The following KIAA1549L variants were observed in gnomAD, a reference collection of about 807,000 sequenced individuals.
The protein encoded by KIAA1549L is KIAA1549 like, also known as UPF0606 protein KIAA1549L.
Under a neutral mutation model 160.7 loss-of-function variants are expected in KIAA1549L, and 88 were observed. The ratio of observed to expected loss-of-function variants is 0.55; its 90% CI spans 0.46 to 0.65. The LOEUF is 0.65. Among genes scored for constraint, KIAA1549L ranks in the 30% least tolerant of loss-of-function variants. The probability of loss-of-function intolerance (pLI) is 0.00; values close to 1 mark genes in which losing one functional copy is unlikely to be tolerated. For synonymous variants in KIAA1549L, 950 were observed against 976.7 expected (o/e 0.97, Z 0.51); for missense variants, 2,258 against 2,437.5 (o/e 0.93, Z 1.55).
At chr11:33,662,048 TAA>T (rs1852283385) in intron 20 of KIAA1549L, among the ~76,000 whole-genome samples, 1 of 152,248 alleles carries the variant, frequency 6.6e-6, no homozygotes. Context: ...TCTCCTCCGT[TAA>T]AAGAGTATAC....
intron 10 of KIAA1549L, 25 bp from the exon 11 acceptor site, chr11:33,583,313 C>A (rs537535086): frequency 3.2e-6 from 5 of 1,585,098 alleles, no homozygotes; most frequent in Non-Finnish European, 4.3e-6. Flanking sequence ...CTTGTCATGT[C>A]CCTCCTGCTG....
At chr11:33,509,096 A>G (rs1044443712) in intron 1 of KIAA1549L, among the ~76,000 whole-genome samples, 22 of 152,112 alleles carry the variant, frequency 1.4e-4, no homozygotes, top group African/African-American at 7.2e-5. Context: ...CTTGGTTTCT[A>G]TCACTCTTCT....
chr11:33,660,143 C>A (rs992712493), intron 19 of KIAA1549L, among the ~76,000 whole-genome samples: 3 of 151,968 alleles, frequency 2.0e-5, no homozygotes, highest in Non-Finnish European at 4.4e-5. Flanking sequence ...ACTTTCCTTC[C>A]CCAGGTGAGT....
rs191982181 is a variant in KIAA1549L at position 33,481,125 on chromosome 11, G to T, written c.239-60677G>T. ...TTTTTTCTCGTTTAGACTTCCTTTG[G>T]GCTAAGTGGACCATTCTTCTGTGGC... is the stretch of plus-strand genomic sequence containing the variant. On this transcript the variant is annotated intron_variant, in intron 1 of 20. Transcript: ENST00000658780. Among the ~76,000 whole-genome samples the T allele has an allele frequency of 7.4e-4, 112 of 152,154 alleles. 1 individual carries two copies. In the South Asian group the frequency reaches 0.01, roughly 14 times the overall value.
intron 1 of KIAA1549L, among the ~76,000 whole-genome samples, chr11:33,510,154 C>CTCTCTCTTTCATATA (rs1258888326): frequency 6.6e-6 from 1 of 151,974 alleles, no homozygotes; most frequent in African/African-American, 2.4e-5. Flanking sequence ...TCTCATGTCT[C>CTCTCTCTTTCATATA]TCTCTCTTTC....
At chr11:33,634,785 C>G (rs1198906907) in intron 16 of KIAA1549L, among the ~76,000 whole-genome samples, 2 of 152,026 alleles carry the variant, frequency 1.3e-5, no homozygotes, top group African/African-American at 4.8e-5. Context: ...AGAGGATGTC[C>G]CTATTTCCTT....
chr11:33,510,987 A>G (rs750397680), intron 1 of KIAA1549L, among the ~76,000 whole-genome samples: 8 of 152,220 alleles, frequency 5.3e-5, no homozygotes, highest in Non-Finnish European at 7.3e-5. Flanking sequence ...CAGCATTGGA[A>G]ATTGTTTCCT....
intron 12 of KIAA1549L, among the ~76,000 whole-genome samples, chr11:33,591,837 T>G (rs976216058): frequency 2.0e-5 from 3 of 152,200 alleles, no homozygotes; most frequent in Non-Finnish European, 1.5e-5. Context: ...TTTGAAGACA[T>G]CCCTTTAGGA....
intron 1 of KIAA1549L, among the ~76,000 whole-genome samples, chr11:33,407,306 T>G (rs984654571): frequency 4.0e-5 from 6 of 151,630 alleles, no homozygotes; most frequent in East Asian, 1.9e-4. Flanking sequence ...GGATGGTCTC[T>G]ATCTCCTGAC....
At chr11:33,452,310 T>G (rs1356483102) in intron 1 of KIAA1549L, among the ~76,000 whole-genome samples, 1 of 148,734 alleles carries the variant, frequency 6.7e-6, no homozygotes, top group Non-Finnish European at 1.5e-5. Context: ...TAATTGCCAT[T>G]AAAAGTAATG....
intron 19 of KIAA1549L, 146 bp from the exon 20 acceptor site, chr11:33,660,717 C>T: frequency 1.4e-6 from 1 of 699,874 alleles, no homozygotes; most frequent in East Asian, 2.7e-5. Flanking sequence ...AGAGCAAGCT[C>T]CCCTCAGCTC....
At chr11:33,584,638 C>A (rs1855752776) in intron 11 of KIAA1549L, among the ~76,000 whole-genome samples, 1 of 152,240 alleles carries the variant, frequency 6.6e-6, no homozygotes, top group African/African-American at 2.4e-5. Flanking sequence ...GTTTGTTCAT[C>A]ACAGCAGCCT....
intron 1 of KIAA1549L, among the ~76,000 whole-genome samples, chr11:33,476,754 G>A (rs528636886): frequency 1.3e-5 from 2 of 152,104 alleles, no homozygotes; most frequent in Admixed American, 6.5e-5. Flanking sequence ...CCCTTAGAGG[G>A]GCACAAAAAT....
rs565454070 is a variant in KIAA1549L, at chr11:33,454,489, C to T, written c.238+77600C>T. ...CCTGGGGTAGGTCTAAATAGTCCCA[C>T]TGAGCTCAGTGACCCTGAGGGCTTC... On this transcript the variant is annotated intron_variant, in intron 1 of 20. Transcript: ENST00000658780. Among the ~76,000 whole-genome samples, 21 of 152,280 alleles carry T rather than the reference C, an allele frequency of 1.4e-4. No homozygotes were observed. In the South Asian group the frequency reaches 4.4e-3, roughly 32 times the overall value.
chr11:33,503,071 A>G (rs1411563782), intron 1 of KIAA1549L, among the ~76,000 whole-genome samples: 1 of 152,258 alleles, frequency 6.6e-6, no homozygotes, highest in East Asian at 1.9e-4. Flanking sequence ...ACCTAGATCA[A>G]GAAACAGAAC....
intron 14 of KIAA1549L, 23 bp downstream of exon 14, chr11:33,606,845 C>A: frequency 6.4e-7 from 1 of 1,573,624 alleles, no homozygotes; most frequent in South Asian, 1.2e-5. Context: ...AGACCCAGGG[C>A]AGGAGATGGT....
chr11:33,416,993 G>A (rs1437841623), intron 1 of KIAA1549L, among the ~76,000 whole-genome samples: 1 of 152,216 alleles, frequency 6.6e-6, no homozygotes, highest in African/African-American at 2.4e-5. Flanking sequence ...AGAATGCTCT[G>A]TAACTTGCTC....
intron 15 of KIAA1549L, among the ~76,000 whole-genome samples, chr11:33,613,001 G>A (rs959525004): frequency 9.9e-5 from 15 of 152,146 alleles, no homozygotes; most frequent in African/African-American, 3.6e-4. Context: ...CATCCAGTCT[G>A]TCATTTATGG....
intron 16 of KIAA1549L, among the ~76,000 whole-genome samples, chr11:33,623,047 C>T (rs1462940340): frequency 2.0e-5 from 3 of 152,192 alleles, no homozygotes; most frequent in African/African-American, 4.8e-5. Flanking sequence ...CCTGACTGCT[C>T]ACAAAGCTTA....
Sources: allele counts gnomAD v4.1 joint callset (sites outside exome capture counted in the v4.1 genomes callset), GRCh38; gene constraint gnomAD v4.1.1; transcripts MANE v1.5; gene names NCBI Gene and HGNC (gene_info 2026-07-23, HGNC 2026-07-21).